CSAD: variants seen among roughly 807,000 people sequenced by gnomAD.
CSAD encodes P-selectin cytoplasmic tail-associated protein.
Under a neutral mutation model 61.5 loss-of-function variants are expected in CSAD, and 47 were observed. That is an observed-to-expected ratio of 0.76 (90% CI 0.60 to 0.97). The LOEUF is 0.97. CSAD is among the 50% of genes least tolerant of loss of function. CSAD has a pLI of 0.00. For missense variants in CSAD, 611 were observed against 643.6 expected (o/e 0.95, Z 0.55); for synonymous variants, 245 against 252.7 (o/e 0.97, Z 0.29).
chr12:53,180,285 A>G, intron 1 of CSAD: 1 of 985,396 alleles, frequency 1.0e-6, no homozygotes, highest in Non-Finnish European at 1.2e-6. Context: ...AGTTACGTGA[A>G]AAGGCTGGGT....
At chr12:53,159,599 A>G in intron 16 of CSAD, 24 bp downstream of exon 16, 1 of 1,596,060 alleles carries the variant, frequency 6.3e-7, no homozygotes, top group Non-Finnish European at 8.6e-7. Flanking sequence ...CTAACGGGTA[A>G]AGAGAGCAGC....
At position 53,162,198 on chromosome 12, in the gene CSAD, G is replaced by A. The variant is rs559599808; in HGVS notation, c.703-809C>T. 4.0e-3 allele frequency among the ~76,000 whole-genome samples: 610 copies of A among 151,668 alleles called. 5 individuals carry two copies. The highest frequency in any genetic ancestry group is 0.014 in the African/African-American group (582 of 41,302). On this transcript the variant is annotated intron_variant, in intron 10 of 16. Coordinates refer to ENST00000444623, the MANE Select transcript of CSAD (RefSeq NM_001244705.2). ...AGAGGCATGAGAATCGCTTGAACCC[G>A]GGAGGCAGAGGTTGCACTGAGCCAA...
At chr12:53,181,304 G>A, upstream of CSAD, 4 of 985,424 alleles carry the variant, frequency 4.1e-6, no homozygotes, top group Non-Finnish European at 4.8e-6. Context: ...ACCCAGCGAT[G>A]GCCCTTGAGC....
intron 1 of CSAD, chr12:53,179,820 A>C (rs768117112): frequency 7.4e-6 from 12 of 1,613,890 alleles, no homozygotes; most frequent in Non-Finnish European, 9.3e-6. Flanking sequence ...TCCTTCCATC[A>C]AGCGCATTTG....
At chr12:53,180,460 C>T in intron 1 of CSAD, 1 of 1,202,062 alleles carries the variant, frequency 8.3e-7, no homozygotes, top group Non-Finnish European at 1.0e-6. Flanking sequence ...GGCCGAGGGT[C>T]CTGCCCTCAG....
rs763978873 is a variant in CSAD, at chr12:53,171,404, G to A, written c.489C>T (p.Ala163=). 12 of 1,613,938 alleles carry A rather than the reference G, an allele frequency of 7.4e-6. No homozygotes were observed. Among genetic ancestry groups the A allele is most frequent in the Admixed American group, 3.3e-5 (2 of 60,014 alleles). The part of the protein sequence containing the change: ...SISNMYAVNL[A]RYQRYPDCKQ... ...TGCAATCCGGGTAGCGCTGATAGCG[G>A]GCCAGATTTACAGCATACATGTTGG... Residue 163 remains alanine (A), a synonymous_variant, in exon 8 of 17, where the codon GCC becomes GCT. Coordinates refer to ENST00000444623, the MANE Select transcript of CSAD (RefSeq NM_001244705.2).
chr12:53,180,817 G>T lies in CSAD; in HGVS notation c.-176C>A. 1 of 1,272,026 alleles carries T rather than the reference G, an allele frequency of 7.9e-7. No homozygotes were observed. The highest frequency in any genetic ancestry group is 1.0e-6 in the Non-Finnish European group (1 of 982,194). The allele number at this position is 1,272,026 out of a possible 1,614,324, so 78.8% of individuals were successfully genotyped here. On this transcript the variant is annotated 5_prime_UTR_variant, in exon 1 of 17. The change creates a new upstream start codon in the 5' untranslated region. Transcript: ENST00000444623. Reference sequence around the variant, plus strand: ...GAGGCGCCGCGCGGCCAGGGAGCCAGCGGGAGGCCGCGCCTGGCAGGTAGG... The same window carrying T: ...GAGGCGCCGCGCGGCCAGGGAGCCATCGGGAGGCCGCGCCTGGCAGGTAGG...
intron 10 of CSAD, among the ~76,000 whole-genome samples, chr12:53,167,564 G>A (rs868170264): frequency 1.3e-5 from 2 of 152,166 alleles, no homozygotes; most frequent in African/African-American, 4.8e-5. Context: ...AACAAAATGG[G>A]TGAAGGATCT....
intron 1 of CSAD, 102 bp downstream of exon 1, chr12:53,180,630 C>T: frequency 7.8e-7 from 1 of 1,283,704 alleles, no homozygotes; most frequent in Non-Finnish European, 1.0e-6. Flanking sequence ...GCTAGTCTAG[C>T]TGCCGAGCCC....
rs1453608315 is a variant in CSAD, at chr12:53,160,332, G to A, written c.967-13C>T. The A allele has an allele frequency of 2.5e-6, 4 of 1,613,800 alleles. No homozygotes were observed. The highest frequency in any genetic ancestry group is 1.3e-5 in the African/African-American group (1 of 75,054). On this transcript the variant is annotated splice_polypyrimidine_tract_variant and intron_variant, in intron 13 of 16. Transcript: ENST00000444623. The stretch of plus-strand genomic sequence containing the variant: ...GCTTGAGCAGGTTCTGTGTGGGGGT[G>A]AGGAGATTGTCAGACCCTACCCTCT...
rs149665719 is a variant in CSAD, at chr12:53,159,582, C to A, written c.1308+41G>T. On this transcript the variant is annotated intron_variant, in intron 16 of 16. Transcript: ENST00000444623. The stretch of plus-strand genomic sequence containing the variant: ...GGGGGCAGAAGCGCATCAGTTGCAT[C>A]AGCTCCCTAACGGGTAAAGAGAGCA... The A allele has an allele frequency of 5.1e-5, 80 of 1,553,652 alleles. No individual in the cohort carries two copies. The African/African-American group carries it at 9.9e-4, about 19-fold the overall frequency.
At chr12:53,159,489 A>G (rs1479617279) in intron 16 of CSAD, 134 bp downstream of exon 16, 1 of 697,460 alleles carries the variant, frequency 1.4e-6, no homozygotes, top group African/African-American at 1.8e-5. Context: ...CCCCTACCGA[A>G]AAGAGAGCAT....
chr12:53,180,747 G>A lies in CSAD; in HGVS notation c.-106C>T. 1 of 1,266,674 alleles carries A rather than the reference G, an allele frequency of 7.9e-7. No individual in the cohort carries two copies. The highest frequency in any genetic ancestry group is 1.0e-6 in the Non-Finnish European group (1 of 978,144). 78.5% of individuals were successfully genotyped at this position (1,266,674 alleles called of 1,614,324 possible). On this transcript the variant is annotated 5_prime_UTR_variant, in exon 1 of 17. Coordinates refer to ENST00000444623, the MANE Select transcript of CSAD (RefSeq NM_001244705.2). ...GTAAACTTGCCTCGGTCCCGGTGGG[G>A]GCAGCCGCGGCGGTGGGGTTGGCAG... is the stretch of plus-strand genomic sequence containing the variant.
intron 10 of CSAD, among the ~76,000 whole-genome samples, chr12:53,165,085 T>G (rs1299650927): frequency 2.6e-5 from 4 of 152,030 alleles, no homozygotes; most frequent in Admixed American, 2.6e-4. Context: ...GTTGAGAGGC[T>G]GAGGTGGGAG....
chr12:53,181,252 C>T (rs1941616292), upstream of CSAD: 1 of 985,332 alleles, frequency 1.0e-6, no homozygotes. Context: ...AGAACGCACA[C>T]GTGTGGGCAC....
chr12:53,179,895 C>G, intron 1 of CSAD: 1 of 1,610,286 alleles, frequency 6.2e-7, no homozygotes, highest in Non-Finnish European at 8.5e-7. Context: ...TGAAGACAGT[C>G]TGGTTTCCAT....
intron 2 of CSAD, among the ~76,000 whole-genome samples, chr12:53,175,812 A>G (rs1329266493): frequency 6.6e-6 from 1 of 152,210 alleles, no homozygotes; most frequent in Non-Finnish European, 1.5e-5. Flanking sequence ...TTTCCTTCTC[A>G]TTTATTATCT....
At chr12:53,170,595 T>C (rs1310228608) in intron 8 of CSAD, 93 bp from the exon 9 acceptor site, 8 of 923,088 alleles carry the variant, frequency 8.7e-6, no homozygotes, top group Non-Finnish European at 7.2e-6. Flanking sequence ...AATGGGATCC[T>C]GTAGACCAGG....
At chr12:53,164,057 A>C (rs1373142769) in intron 10 of CSAD, among the ~76,000 whole-genome samples, 2 of 152,346 alleles carry the variant, frequency 1.3e-5, no homozygotes, top group East Asian at 3.9e-4. Context: ...TCCACATGCA[A>C]ACAATGCAGT....
Sources: gnomAD v4.1 joint callset for allele counts (sites outside exome capture counted in the v4.1 genomes callset) on GRCh38, gnomAD v4.1.1 for gene constraint, MANE v1.5 for transcripts, NCBI Gene and HGNC (gene_info 2026-07-23, HGNC 2026-07-21) for gene names.